Variants in EFNA5 observed in about 807,000 individuals in gnomAD.
EFNA5 encodes the protein ephrin A5.
In EFNA5, 5 loss-of-function variants were observed where a neutral mutation model predicts 22.9. The ratio of observed to expected loss-of-function variants is 0.22; its 90% CI spans 0.11 to 0.46. The LOEUF is 0.46. Ranked by LOEUF, EFNA5 falls within the 20% of genes least tolerant of loss-of-function variation. The pLI is 0.99. For missense variants in EFNA5, 237 were observed against 293.3 expected, an observed-to-expected ratio of 0.81 and a Z score of 1.40; for synonymous variants, 113 against 112.2, an observed-to-expected ratio of 1.01 and a Z score of -0.04.
intron 2 of EFNA5, among the ~76,000 whole-genome samples, chr5:107,399,022 G>GGTGGAGAAGT (rs1561369384): frequency 6.6e-6 from 1 of 152,070 alleles, no homozygotes; most frequent in Non-Finnish European, 1.5e-5. Flanking sequence ...AGTCTCCCCT[G>GGTGGAGAAGT]CCCACACTGC....
rs779184852 is a variant in EFNA5 at position 107,379,162 on chromosome 5, T to A, written c.*2093A>T. On this transcript the variant is annotated 3_prime_UTR_variant, in exon 5 of 5. Coordinates refer to ENST00000333274, the MANE Select transcript of EFNA5 (RefSeq NM_001962.3). ...TCCTTATGTCAGAGGGGAATAGGATTGATTGTATCTGTGAGGCTGGCAACC... is the reference window on the plus strand; with the variant it reads ...TCCTTATGTCAGAGGGGAATAGGATAGATTGTATCTGTGAGGCTGGCAACC... 6.6e-6 allele frequency: 1 copy of A among 152,150 alleles called. No individual in the cohort carries two copies. Among genetic ancestry groups the A allele is most frequent in the Non-Finnish European group, 1.5e-5 (1 of 68,038 alleles). 9.4% of individuals were successfully genotyped at this position (152,150 alleles called of 1,614,324 possible). A position where few individuals can be genotyped will look rare whatever the true frequency, so the allele number is the denominator to read the frequency against.
chr5:107,388,646 G>A (rs1046229901), intron 2 of EFNA5: 3 of 152,096 alleles, frequency 2.0e-5, no homozygotes, highest in Non-Finnish European at 4.4e-5. Flanking sequence ...GGGCAGTAAG[G>A]CCCTTAACAA....
In EFNA5 at chr5:107,482,870, C is replaced by CTA. The variant is rs72399506; in HGVS notation, c.126-55363_126-55362dup. 4.1e-3 allele frequency among the ~76,000 whole-genome samples: 242 copies of CTA among 59,034 alleles called. 1 individual carries two copies. The highest frequency in any genetic ancestry group is 0.011 in the East Asian group (18 of 1,568). 38.7% of individuals were successfully genotyped at this position (59,034 alleles called of 152,430 possible). A position where few individuals can be genotyped will look rare whatever the true frequency, so the allele number is the denominator to read the frequency against. On this transcript the variant is annotated intron_variant, in intron 1 of 4. Transcript: ENST00000333274. ...TCTCTCTCTCTCTCTCTCTCTCTCT[C>CTA]TATATATATATATATATATATATAC... is the stretch of plus-strand genomic sequence containing the variant.
At chr5:107,400,169 T>C (rs1748047383) in intron 2 of EFNA5, among the ~76,000 whole-genome samples, 1 of 152,146 alleles carries the variant, frequency 6.6e-6, no homozygotes, top group South Asian at 2.1e-4. Context: ...GTCTATTTAA[T>C]TCACCAAGGT....
intron 1 of EFNA5, among the ~76,000 whole-genome samples, chr5:107,518,007 T>A (rs1417402115): frequency 6.6e-6 from 1 of 152,066 alleles, no homozygotes; most frequent in Non-Finnish European, 1.5e-5. Context: ...CAAAACAGGA[T>A]TAAAAGCTTT....
At chr5:107,488,305 T>A (rs890417109) in intron 1 of EFNA5, among the ~76,000 whole-genome samples, 9 of 152,376 alleles carry the variant, frequency 5.9e-5, no homozygotes, top group African/African-American at 2.2e-4. Context: ...TTTTTGTAAA[T>A]TTCTTACATT....
At chr5:107,663,159 T>C (rs538212858) in intron 1 of EFNA5, among the ~76,000 whole-genome samples, 2 of 152,214 alleles carry the variant, frequency 1.3e-5, no homozygotes, top group East Asian at 3.9e-4. Context: ...TCCATATTCA[T>C]TTCCGAACCA....
At chr5:107,625,894 G>C (rs946629011) in intron 1 of EFNA5, among the ~76,000 whole-genome samples, 1 of 152,102 alleles carries the variant, frequency 6.6e-6, no homozygotes. Flanking sequence ...AGTTAAGTTG[G>C]TTTTCTTAAA....
intron 1 of EFNA5, chr5:107,506,093 T>C (rs1747244534): frequency 6.6e-6 from 1 of 152,294 alleles, no homozygotes; most frequent in African/African-American, 2.4e-5. Context: ...GCTTTATTTG[T>C]GTACCTCTCA....
chr5:107,572,219 G>A (rs1748828933), intron 1 of EFNA5, among the ~76,000 whole-genome samples: 1 of 151,844 alleles, frequency 6.6e-6, no homozygotes, highest in South Asian at 2.1e-4. Context: ...GCTGAACTCC[G>A]CCTCTTGGTC....
intron 1 of EFNA5, among the ~76,000 whole-genome samples, chr5:107,494,578 G>A (rs181522284): frequency 0.018 from 2,687 of 152,358 alleles, 44 homozygotes; most frequent in Non-Finnish European, 0.028. Flanking sequence ...GCTGAGGAGT[G>A]CAGGCACACG....
chr5:107,568,780 T>A (rs1037139799), intron 1 of EFNA5, among the ~76,000 whole-genome samples: 9 of 152,308 alleles, frequency 5.9e-5, no homozygotes, highest in Admixed American at 1.3e-4. Flanking sequence ...AAACATTTTT[T>A]AAAAAATTTG....
intron 1 of EFNA5, among the ~76,000 whole-genome samples, chr5:107,509,855 C>T (rs1747327798): frequency 6.6e-6 from 1 of 152,144 alleles, no homozygotes; most frequent in Non-Finnish European, 1.5e-5. Flanking sequence ...AATGGACACT[C>T]AGAACATAAA....
At chr5:107,509,519 G>A (rs1276400558) in intron 1 of EFNA5, among the ~76,000 whole-genome samples, 5 of 145,456 alleles carry the variant, frequency 3.4e-5, no homozygotes, top group Non-Finnish European at 7.5e-5. Flanking sequence ...TTTTAGTGGA[G>A]ACGGAGTTTC....
intron 2 of EFNA5, among the ~76,000 whole-genome samples, chr5:107,399,283 T>C (rs1580424863): frequency 8.4e-6 from 1 of 118,570 alleles, no homozygotes; most frequent in Non-Finnish European, 1.7e-5. Context: ...CAAAACCCCA[T>C]CTCTACTAAA....
chr5:107,586,182 C>T (rs986116053), intron 1 of EFNA5, among the ~76,000 whole-genome samples: 6 of 152,030 alleles, frequency 3.9e-5, no homozygotes, highest in Non-Finnish European at 7.4e-5. Flanking sequence ...CAATCATGCT[C>T]AATTAAGAAT....
intron 1 of EFNA5, among the ~76,000 whole-genome samples, chr5:107,530,426 G>A (rs760516210): frequency 5.3e-5 from 8 of 152,132 alleles, no homozygotes; most frequent in Non-Finnish European, 1.0e-4. Flanking sequence ...CTATACACCT[G>A]GCAGGTAAGA....
chr5:107,437,276 T>C (rs554500210), intron 1 of EFNA5, among the ~76,000 whole-genome samples: 1 of 152,348 alleles, frequency 6.6e-6, no homozygotes, highest in South Asian at 2.1e-4. Context: ...ATAATAATAA[T>C]AATGTTTTCA....
chr5:107,429,862 T>C (rs917634024), intron 1 of EFNA5, among the ~76,000 whole-genome samples: 16 of 152,236 alleles, frequency 1.1e-4, no homozygotes, highest in African/African-American at 3.1e-4. Flanking sequence ...ATAATATGTA[T>C]ATTTCCCCTT....
Sources: allele counts gnomAD v4.1 joint callset (sites outside exome capture counted in the v4.1 genomes callset), GRCh38; gene constraint gnomAD v4.1.1; transcripts MANE v1.5; gene names NCBI Gene and HGNC (gene_info 2026-07-23, HGNC 2026-07-21).